The following PPP1R2 variants were observed in gnomAD, a reference collection of about 807,000 sequenced individuals.
The protein encoded by PPP1R2 is protein phosphatase 1 regulatory inhibitor subunit 2, also known as protein phosphatase inhibitor 2.
In PPP1R2, 16 loss-of-function variants were observed where a neutral mutation model predicts 29.9. The ratio of observed to expected loss-of-function variants is 0.53; its 90% CI spans 0.36 to 0.81. The LOEUF is 0.81. PPP1R2 is among the 30% of genes least tolerant of loss of function. The pLI is 0.00. For synonymous variants in PPP1R2, 76 were observed against 91.5 expected (o/e 0.83, Z 0.96); for missense variants, 197 against 252.7 (o/e 0.78, Z 1.49).
At chr3:195,517,590 A>C (rs1428336844) in intron 5 of PPP1R2, among the ~76,000 whole-genome samples, 1 of 152,222 alleles carries the variant, frequency 6.6e-6, no homozygotes, top group Non-Finnish European at 1.5e-5. Flanking sequence ...ATTAAACTTA[A>C]ACAAAAAATA....
At position 195,516,795 on chromosome 3, in the gene PPP1R2, A is replaced by G; in HGVS notation, c.*101T>C. 4.1e-6 allele frequency: 4 copies of G among 977,004 alleles called. No homozygotes were observed. The highest frequency in any genetic ancestry group is 6.4e-6 in the Non-Finnish European group (4 of 626,294). 60.5% of individuals were successfully genotyped at this position (977,004 alleles called of 1,614,324 possible). A position where few individuals can be genotyped will look rare whatever the true frequency, so the allele number is the denominator to read the frequency against. On this transcript the variant is annotated 3_prime_UTR_variant, in exon 6 of 6. Transcript: ENST00000618156. ...TGGCAATATATAATAACTGGTATGC[A>G]TTTTGGTACTTAAGTCATGAATTGT...
At chr3:195,534,998 T>A (rs1719321929) in intron 1 of PPP1R2, among the ~76,000 whole-genome samples, 1 of 152,148 alleles carries the variant, frequency 6.6e-6, no homozygotes, top group Admixed American at 6.5e-5. Flanking sequence ...AACCTCTAGA[T>A]CGGGGGTCAC....
In PPP1R2 at chr3:195,525,433, T is replaced by C. The variant is rs1403808256; in HGVS notation, c.231-537A>G. Reference sequence around the variant, plus strand: ...TCTGAGGGAGGTCCTGAAACCTCCATGGATAATGAGGAATAACTGTACTGA... The same window carrying C: ...TCTGAGGGAGGTCCTGAAACCTCCACGGATAATGAGGAATAACTGTACTGA... On this transcript the variant is annotated intron_variant, in intron 2 of 5. Coordinates refer to ENST00000618156, the MANE Select transcript of PPP1R2 (RefSeq NM_006241.8). Among the ~76,000 whole-genome samples the C allele has an allele frequency of 3.9e-5, 6 of 152,116 alleles. No individual in the cohort carries two copies. In the South Asian group the frequency reaches 1.0e-3, roughly 26 times the overall value.
At chr3:195,528,702 ATTTTTTTTTTTTTTTTT>A (rs1186534650) in intron 2 of PPP1R2, 5 of 59,972 alleles carry the variant, frequency 8.3e-5, no homozygotes, top group African/African-American at 1.6e-4. Flanking sequence ...GGGCATAACT[ATTTTTTTTTTTTTTTTT>A]TTTTTTTTTT....
intron 1 of PPP1R2, among the ~76,000 whole-genome samples, chr3:195,542,082 C>T (rs890458018): frequency 2.0e-5 from 3 of 152,176 alleles, no homozygotes; most frequent in African/African-American, 7.2e-5. Context: ...AACGCCCAAG[C>T]CCCCGTGCAC....
chr3:195,524,298 G>A (rs570517804), intron 3 of PPP1R2, among the ~76,000 whole-genome samples: 1 of 152,292 alleles, frequency 6.6e-6, no homozygotes, highest in Non-Finnish European at 1.5e-5. Context: ...GAAACCAGCG[G>A]ATCTCTTGAG....
Position 195,515,566 on chromosome 3 carries a change from T to C in PPP1R2, c.*1330A>G, listed in dbSNP as rs780986130. The stretch of plus-strand genomic sequence containing the variant: ...ACACACAGGGCTTTCCTGCACTTGG[T>C]TGAAGGAAAAAATTCCACCTAATTC... On this transcript the variant is annotated 3_prime_UTR_variant, in exon 6 of 6. Coordinates refer to ENST00000618156, the MANE Select transcript of PPP1R2 (RefSeq NM_006241.8). 9.8e-5 allele frequency: 15 copies of C among 152,516 alleles called. No homozygotes were observed. Among genetic ancestry groups the C allele is most frequent in the African/African-American group, 1.7e-4 (7 of 41,434 alleles). 9.4% of individuals were successfully genotyped at this position (152,516 alleles called of 1,614,324 possible). A position where few individuals can be genotyped will look rare whatever the true frequency, so the allele number is the denominator to read the frequency against.
chr3:195,542,640 T>C (rs186373354), intron 1 of PPP1R2, among the ~76,000 whole-genome samples: 1 of 152,266 alleles, frequency 6.6e-6, no homozygotes, highest in African/African-American at 2.4e-5. Context: ...TTTCATTCTT[T>C]GATGTTCCCG....
At chr3:195,524,367 C>A (rs913208746) in intron 3 of PPP1R2, among the ~76,000 whole-genome samples, 1 of 152,110 alleles carries the variant, frequency 6.6e-6, no homozygotes, top group Non-Finnish European at 1.5e-5. Context: ...ACTAAAAATA[C>A]AAAAATTAGC....
At chr3:195,529,680 G>A in intron 2 of PPP1R2, 114 bp downstream of exon 2, 1 of 682,214 alleles carries the variant, frequency 1.5e-6, no homozygotes, top group Non-Finnish European at 2.4e-6. Flanking sequence ...CTTCACTAGT[G>A]CTCCAGTAAC....
chr3:195,539,938 T>A (rs1719531360), intron 1 of PPP1R2, among the ~76,000 whole-genome samples: 1 of 152,224 alleles, frequency 6.6e-6, no homozygotes, highest in African/African-American at 2.4e-5. Context: ...ATATCTGAAG[T>A]ATGTTTGAAT....
At chr3:195,519,445 G>C (rs1318138203) in intron 4 of PPP1R2, 1 of 347,778 alleles carries the variant, frequency 2.9e-6, no homozygotes, top group Non-Finnish European at 5.1e-6. Context: ...TATTTGTGAA[G>C]AAAGATTAAA....
Position 195,532,215 on chromosome 3 carries a change from C to CTTTTTT in PPP1R2, c.123-2320_123-2315dup, listed in dbSNP as rs146508182. ...CCAGCTAATTTTTCTTTTTCTTTTT[C>CTTTTTT]TTTTTTTTTTTTTTTTTTTACAGGT... On this transcript the variant is annotated intron_variant, in intron 1 of 5. Coordinates refer to ENST00000618156, the MANE Select transcript of PPP1R2 (RefSeq NM_006241.8). Among the ~76,000 whole-genome samples, 23 of 120,172 alleles carry CTTTTTT rather than the reference C, an allele frequency of 1.9e-4. 1 individual carries two copies. Among genetic ancestry groups the CTTTTTT allele is most frequent in the Admixed American group, 4.7e-4 (5 of 10,626 alleles). 78.8% of individuals were successfully genotyped at this position (120,172 alleles called of 152,430 possible).
chr3:195,536,678 C>T (rs1298947836), intron 1 of PPP1R2, among the ~76,000 whole-genome samples: 1 of 151,406 alleles, frequency 6.6e-6, no homozygotes, highest in African/African-American at 2.4e-5. Flanking sequence ...ATCCCAGCTA[C>T]TCAGGGGGCT....
intron 1 of PPP1R2, among the ~76,000 whole-genome samples, chr3:195,542,256 A>G (rs1376454009): frequency 2.0e-5 from 3 of 152,190 alleles, no homozygotes; most frequent in African/African-American, 7.2e-5. Context: ...ATTATATTAT[A>G]AATATTACAT....
intron 4 of PPP1R2, among the ~76,000 whole-genome samples, chr3:195,521,430 A>C (rs1173917929): frequency 4.0e-5 from 6 of 151,760 alleles, no homozygotes; most frequent in Non-Finnish European, 7.4e-5. Flanking sequence ...TAAAATCGTT[A>C]CAAGTTGTTG....
At chr3:195,527,853 T>C (rs918358814) in intron 2 of PPP1R2, 2 of 362,728 alleles carry the variant, frequency 5.5e-6, no homozygotes, top group Non-Finnish European at 1.0e-5. Flanking sequence ...CTGGGCAACA[T>C]AGCCAGATCT....
rs1718562319 is a variant in PPP1R2 at position 195,516,782 on chromosome 3, A to G, written c.*114T>C. On this transcript the variant is annotated 3_prime_UTR_variant, in exon 6 of 6. Coordinates refer to ENST00000618156, the MANE Select transcript of PPP1R2 (RefSeq NM_006241.8). ...ATCATTTAATTCTTGGCAATATATA[A>G]TAACTGGTATGCATTTTGGTACTTA... The G allele has an allele frequency of 1.6e-5, 13 of 822,736 alleles. No homozygotes were observed. Among genetic ancestry groups the G allele is most frequent in the Non-Finnish European group, 2.2e-5 (11 of 502,094 alleles). The allele number at this position is 822,736 out of a possible 1,614,324, so 51.0% of individuals were successfully genotyped here. A position where few individuals can be genotyped will look rare whatever the true frequency, so the allele number is the denominator to read the frequency against.
intron 2 of PPP1R2, chr3:195,528,684 G>C (rs1223992809): frequency 7.3e-6 from 1 of 137,128 alleles, no homozygotes; most frequent in Non-Finnish European, 1.6e-5. Flanking sequence ...TTCAATACAA[G>C]GTAGGTAGGG....
Sources: allele counts gnomAD v4.1 joint callset (sites outside exome capture counted in the v4.1 genomes callset), GRCh38; gene constraint gnomAD v4.1.1; transcripts MANE v1.5; gene names NCBI Gene and HGNC (gene_info 2026-07-23, HGNC 2026-07-21).